The following MEMO1 variants were observed in gnomAD, a reference collection of about 807,000 sequenced individuals.
MEMO1 encodes the protein mediator of cell motility 1, also known as protein MEMO1.
Under a neutral mutation model 45.2 loss-of-function variants are expected in MEMO1, and 6 were observed. The observed-to-expected ratio is 0.13, with a 90% confidence interval of 0.07 to 0.26. The LOEUF (loss-of-function observed/expected upper bound fraction) is 0.26. Ranked by LOEUF, MEMO1 falls within the 10% of genes least tolerant of loss-of-function variation. The pLI is 1.00. For missense variants in MEMO1, 184 were observed against 370.5 expected, an observed-to-expected ratio of 0.50 and a Z score of 4.13; for synonymous variants, 78 against 124.3, an observed-to-expected ratio of 0.63 and a Z score of 2.48.
chr2:31,976,952 C>T (rs1159352905), intron 2 of MEMO1, among the ~76,000 whole-genome samples: 1 of 152,000 alleles, frequency 6.6e-6, no homozygotes, highest in Non-Finnish European at 1.5e-5. Flanking sequence ...TACAAAAAAG[C>T]ACCAGCAACA....
chr2:31,914,685 C>T (rs1242487113), intron 6 of MEMO1, among the ~76,000 whole-genome samples: 2 of 151,986 alleles, frequency 1.3e-5, no homozygotes, highest in Non-Finnish European at 2.9e-5. Context: ...ATTTGTTATG[C>T]TGCAATAGGT....
chr2:31,974,876 T>C (rs1669820351), intron 2 of MEMO1, among the ~76,000 whole-genome samples: 1 of 151,784 alleles, frequency 6.6e-6, no homozygotes, highest in South Asian at 2.1e-4. Flanking sequence ...CCATGAAAAT[T>C]TAAAAAAAAA....
chr2:32,000,481 C>T (rs1273467682), intron 2 of MEMO1, among the ~76,000 whole-genome samples: 2 of 152,102 alleles, frequency 1.3e-5, no homozygotes, highest in Non-Finnish European at 2.9e-5. Flanking sequence ...CCGCCCGCCT[C>T]GGCCTCCCAA....
chr2:31,941,556 T>G (rs1665617207), intron 3 of MEMO1, among the ~76,000 whole-genome samples: 1 of 152,232 alleles, frequency 6.6e-6, no homozygotes, highest in Non-Finnish European at 1.5e-5. Context: ...CAACTTTGAT[T>G]TACTCAAAAT....
At chr2:32,008,567 G>A (rs1283735400) in intron 2 of MEMO1, among the ~76,000 whole-genome samples, 1 of 152,068 alleles carries the variant, frequency 6.6e-6, no homozygotes, top group East Asian at 1.9e-4. Context: ...CTGGGCGACA[G>A]AGCAAGACTC....
chr2:31,979,156 G>A (rs1347272171), intron 2 of MEMO1, among the ~76,000 whole-genome samples: 1 of 152,106 alleles, frequency 6.6e-6, no homozygotes, highest in East Asian at 1.9e-4. Flanking sequence ...AGAAGAGACT[G>A]CCATTTATAA....
chr2:31,881,827 C>A (rs1675428162), intron 8 of MEMO1, among the ~76,000 whole-genome samples: 1 of 151,916 alleles, frequency 6.6e-6, no homozygotes, highest in South Asian at 2.1e-4. Context: ...TAAAGCAAGA[C>A]CTTGTCTCTA....
chr2:31,869,339 T>G (rs1216262380), intron 9 of MEMO1, among the ~76,000 whole-genome samples: 1 of 152,160 alleles, frequency 6.6e-6, no homozygotes, highest in Non-Finnish European at 1.5e-5. Context: ...TATTTCTTTT[T>G]CTAAAATCCA....
chr2:31,893,301 C>T, intron 6 of MEMO1: 1 of 1,197,702 alleles, frequency 8.3e-7, no homozygotes, highest in Non-Finnish European at 1.1e-6. Flanking sequence ...AATGCAGGGG[C>T]TTCTTGGGCA....
At chr2:32,006,392 T>C (rs926331515) in intron 2 of MEMO1, among the ~76,000 whole-genome samples, 1 of 152,196 alleles carries the variant, frequency 6.6e-6, no homozygotes, top group Non-Finnish European at 1.5e-5. Flanking sequence ...TTAGATTATG[T>C]TGCTGGTCCA....
intron 7 of MEMO1, among the ~76,000 whole-genome samples, chr2:31,891,506 G>T (rs1397123262): frequency 6.6e-6 from 1 of 151,922 alleles, no homozygotes; most frequent in Non-Finnish European, 1.5e-5. Context: ...AATCTTTGGA[G>T]GGTAGCTTTA....
chr2:31,940,171 G>A (rs912836784), intron 3 of MEMO1, among the ~76,000 whole-genome samples: 1 of 151,990 alleles, frequency 6.6e-6, no homozygotes, highest in African/African-American at 2.4e-5. Flanking sequence ...CCTCTAAAAA[G>A]GTGGCTTATC....
chr2:31,933,340 A>ATAT (rs1664451090), intron 3 of MEMO1, among the ~76,000 whole-genome samples: 8 of 57,488 alleles, frequency 1.4e-4, no homozygotes, highest in African/African-American at 6.1e-4. Flanking sequence ...AAAAAAAAAA[A>ATAT]AAAAAAAAAT....
intron 3 of MEMO1, among the ~76,000 whole-genome samples, chr2:31,933,344 A>T (rs1213285283): frequency 0.011 from 379 of 35,338 alleles, 9 homozygotes; most frequent in African/African-American, 0.043. Context: ...AAAAAAAAAA[A>T]AAAAATTTAT....
chr2:31,924,232 A>G (rs1337386081), intron 4 of MEMO1, among the ~76,000 whole-genome samples: 18 of 151,956 alleles, frequency 1.2e-4, no homozygotes, highest in East Asian at 3.8e-4. Context: ...AAATGCTAAC[A>G]AAAAAAATGA....
intron 2 of MEMO1, among the ~76,000 whole-genome samples, chr2:31,988,715 T>C (rs563112459): frequency 6.6e-6 from 1 of 152,330 alleles, no homozygotes; most frequent in South Asian, 2.1e-4. Flanking sequence ...CTGCAAATAT[T>C]ACACATTAAA....
chr2:32,003,158 C>T (rs1490015581), intron 2 of MEMO1, among the ~76,000 whole-genome samples: 5 of 152,008 alleles, frequency 3.3e-5, no homozygotes, highest in Non-Finnish European at 7.4e-5. Flanking sequence ...ACATTTTATA[C>T]TCCTAAACTT....
intron 2 of MEMO1, among the ~76,000 whole-genome samples, chr2:31,967,486 T>A (rs1293559379): frequency 6.6e-6 from 1 of 152,130 alleles, no homozygotes; most frequent in Non-Finnish European, 1.5e-5. Context: ...TCTTGCTGTG[T>A]CACCTGGCCT....
intron 2 of MEMO1, among the ~76,000 whole-genome samples, chr2:31,976,942 T>C (rs1670071662): frequency 6.6e-6 from 1 of 152,052 alleles, no homozygotes; most frequent in Admixed American, 6.6e-5. Context: ...TGACACTAAC[T>C]ACAAAAAAGC....
Sources: allele counts gnomAD v4.1 joint callset (sites outside exome capture counted in the v4.1 genomes callset), GRCh38; gene constraint gnomAD v4.1.1; transcripts MANE v1.5; gene names NCBI Gene and HGNC (gene_info 2026-07-23, HGNC 2026-07-21).